Variants in UTY observed in about 807,000 individuals in gnomAD.
The protein encoded by UTY is ubiquitously transcribed tetratricopeptide repeat containing, Y-linked, also known as histone demethylase UTY.
In UTY, 12 loss-of-function variants were observed where a neutral mutation model predicts 32.5. The observed-to-expected ratio is 0.37, with a 90% confidence interval of 0.24 to 0.60. The LOEUF (loss-of-function observed/expected upper bound fraction) is 0.60, where lower values mean the gene tolerates loss of function less well. Among genes scored for constraint, UTY ranks in the 20% least tolerant of loss-of-function variants. The pLI, the probability that UTY is intolerant of heterozygous loss-of-function variation, is 0.69. For synonymous variants in UTY, 131 were observed against 103.4 expected, an observed-to-expected ratio of 1.27 and a Z score of -1.62; for missense variants, 303 against 299.2, an observed-to-expected ratio of 1.01 and a Z score of -0.09.
At chrY:13,252,789 T>C in intron 28 of UTY, among the ~76,000 whole-genome samples, 1 of 34,446 alleles carries the variant, frequency 2.9e-5, no homozygotes, top group African/African-American at 1.1e-4. Flanking sequence ...GCCCAACCTA[T>C]TCCTTTAATT....
chrY:13,265,979 T>C, intron 27 of UTY, among the ~76,000 whole-genome samples: 1 of 33,648 alleles, frequency 3.0e-5, no homozygotes, highest in Non-Finnish European at 7.3e-5. Flanking sequence ...TCTGCATTTA[T>C]TGAGATAATC....
intron 20 of UTY, 29 bp from the exon 21 acceptor site, chrY:13,323,789 G>C (rs2059992309): frequency 3.1e-6 from 1 of 325,247 alleles, no homozygotes. Context: ...TTGTTAATCA[G>C]TAAAGTTGTA....
intron 4 of UTY, among the ~76,000 whole-genome samples, chrY:13,420,007 T>C: frequency 3.0e-5 from 1 of 33,598 alleles, no homozygotes; most frequent in South Asian, 6.8e-4. Context: ...TATCAGAAAC[T>C]AGGAGTAATC....
intron 27 of UTY, among the ~76,000 whole-genome samples, chrY:13,283,976 GA>G (rs2057198389): frequency 3.1e-5 from 1 of 32,378 alleles, no homozygotes; most frequent in African/African-American, 1.2e-4. Flanking sequence ...AGTTTGCTTT[GA>G]AAAAAAGGGG....
chrY:13,312,381 AG>A (rs2059217209), intron 21 of UTY, among the ~76,000 whole-genome samples: 1 of 29,124 alleles, frequency 3.4e-5, no homozygotes, highest in Non-Finnish European at 8.4e-5. Flanking sequence ...CGACAGAGCG[AG>A]ACTCCGTCTC....
At chrY:13,348,420 T>C in intron 17 of UTY, among the ~76,000 whole-genome samples, 2 of 34,140 alleles carry the variant, frequency 5.9e-5, no homozygotes, top group Non-Finnish European at 7.3e-5. Flanking sequence ...GGAAAAAATA[T>C]ATAATAATAC....
At chrY:13,362,488 T>C in intron 10 of UTY, among the ~76,000 whole-genome samples, 1 of 34,075 alleles carries the variant, frequency 2.9e-5, no homozygotes, top group Non-Finnish European at 7.3e-5. Flanking sequence ...CACTTTGATA[T>C]GTACAATCCA....
intron 28 of UTY, among the ~76,000 whole-genome samples, chrY:13,237,459 G>A (rs2148317142): frequency 3.0e-5 from 1 of 33,584 alleles, no homozygotes; most frequent in African/African-American, 1.2e-4. Flanking sequence ...GCTGGGTGCT[G>A]AGAGACTTTC....
chrY:13,326,858 T>C (rs2060295784), intron 18 of UTY, among the ~76,000 whole-genome samples: 1 of 33,835 alleles, frequency 3.0e-5, no homozygotes, highest in East Asian at 7.6e-4. Context: ...CAAGACTTGT[T>C]TTCTGTGGAA....
chrY:13,409,848 C>T (rs1034974348), intron 6 of UTY, among the ~76,000 whole-genome samples: 7 of 33,496 alleles, frequency 2.1e-4, no homozygotes, highest in Admixed American at 5.3e-4. Flanking sequence ...CACTGAGTTC[C>T]TCTGGTGGAC....
At chrY:13,268,474 C>T (rs2056040206) in intron 27 of UTY, among the ~76,000 whole-genome samples, 1 of 33,246 alleles carries the variant, frequency 3.0e-5, no homozygotes, top group Non-Finnish European at 7.4e-5. Context: ...TTAGAATATG[C>T]TCCTTTAGCT....
chrY:13,278,247 A>G, intron 27 of UTY, among the ~76,000 whole-genome samples: 1 of 33,726 alleles, frequency 3.0e-5, no homozygotes, highest in Non-Finnish European at 7.3e-5. Context: ...ATACCTTGAC[A>G]GTATTTGTCA....
rs576258457 is a variant in UTY at position 13,390,852 on chromosome Y, G to A, written c.645+3007C>T. Among the ~76,000 whole-genome samples, 195 of 33,608 alleles carry A rather than the reference G, an allele frequency of 5.8e-3. No individual in the cohort carries two copies. In the Middle Eastern group the frequency reaches 0.21, roughly 37 times the overall value. 90.2% of individuals were successfully genotyped at this position (33,608 alleles called of 37,273 possible). A position where few individuals can be genotyped will look rare whatever the true frequency, so the allele number is the denominator to read the frequency against. ...AAAATGTAATTATCAGGTGACAGAA[G>A]ATACTAAAAGTATATGAGAAAACGT... On this transcript the variant is annotated intron_variant, in intron 8 of 29. Transcript: ENST00000545955.
chrY:13,461,827 G>T, intron 3 of UTY, among the ~76,000 whole-genome samples: 1 of 33,034 alleles, frequency 3.0e-5, no homozygotes, highest in Non-Finnish European at 7.5e-5. Flanking sequence ...TAGAGACGAG[G>T]TTTACCATAT....
At chrY:13,274,157 G>A (rs778573375) in intron 27 of UTY, among the ~76,000 whole-genome samples, 2 of 33,248 alleles carry the variant, frequency 6.0e-5, no homozygotes, top group South Asian at 6.7e-4. Context: ...TACAACAACC[G>A]AGTACTAAAT....
intron 4 of UTY, among the ~76,000 whole-genome samples, chrY:13,440,839 C>G (rs773520258): frequency 3.3e-4 from 11 of 33,796 alleles, no homozygotes; most frequent in South Asian, 2.6e-3. Flanking sequence ...CTCCTTAAAA[C>G]TGGCTGCTAC....
intron 8 of UTY, among the ~76,000 whole-genome samples, chrY:13,377,637 G>C (rs2065541293): frequency 3.0e-5 from 1 of 33,103 alleles, no homozygotes; most frequent in South Asian, 6.6e-4. Flanking sequence ...GCTAGAACCG[G>C]GGACGTGGAG....
At chrY:13,294,926 C>T (rs563616013) in intron 27 of UTY, among the ~76,000 whole-genome samples, 8 of 31,797 alleles carry the variant, frequency 2.5e-4, no homozygotes, top group Admixed American at 1.7e-3. Context: ...CAGGCATGGT[C>T]GTGGGCCCCT....
chrY:13,243,606 C>T (rs2148324651), downstream of UTY, among the ~76,000 whole-genome samples: 1 of 33,299 alleles, frequency 3.0e-5, no homozygotes, highest in East Asian at 7.8e-4. Flanking sequence ...GCTCATACAA[C>T]TCATTTATAA....
Sources: allele counts gnomAD v4.1 joint callset (sites outside exome capture counted in the v4.1 genomes callset), GRCh38; gene constraint gnomAD v4.1.1; transcripts MANE v1.5; gene names NCBI Gene and HGNC (gene_info 2026-07-23, HGNC 2026-07-21).